Variants in NFATC3 observed in about 807,000 individuals in gnomAD.
NFATC3 encodes nuclear factor of activated T cells 3, also known as nuclear factor of activated T-cells, cytoplasmic 3.
NFATC3 carries 46 observed loss-of-function variants against 98.6 expected under a neutral mutation model. That is an observed-to-expected ratio of 0.47 (90% CI 0.37 to 0.60). The LOEUF (loss-of-function observed/expected upper bound fraction) is 0.60, where lower values mean the gene tolerates loss of function less well. NFATC3 is among the 20% of genes least tolerant of loss of function. The pLI is 0.00. For missense variants in NFATC3, 1,256 were observed against 1,295.5 expected (o/e 0.97, Z 0.47); for synonymous variants, 512 against 472.2 (o/e 1.08, Z -1.09).
At chr16:68,210,455 A>T (rs2041336820) in intron 9 of NFATC3, among the ~76,000 whole-genome samples, 1 of 152,156 alleles carries the variant, frequency 6.6e-6, no homozygotes, top group Non-Finnish European at 1.5e-5. Context: ...TTGGTGACAG[A>T]GTGACACCTT....
At chr16:68,213,358 C>G (rs1446217832) in intron 9 of NFATC3, among the ~76,000 whole-genome samples, 1 of 149,774 alleles carries the variant, frequency 6.7e-6, no homozygotes, top group Non-Finnish European at 1.5e-5. Context: ...GAGCTTGCAG[C>G]GAGCCAAGAT....
At chr16:68,145,562 T>G (rs2037999409) in intron 3 of NFATC3, among the ~76,000 whole-genome samples, 1 of 152,208 alleles carries the variant, frequency 6.6e-6, no homozygotes, top group African/African-American at 2.4e-5. Context: ...TGTTGATACA[T>G]GCAACAACTT....
chr16:68,150,579 A>G (rs1395851190), intron 3 of NFATC3, among the ~76,000 whole-genome samples: 2 of 152,104 alleles, frequency 1.3e-5, no homozygotes, highest in Non-Finnish European at 1.5e-5. Flanking sequence ...GAGACCCTGA[A>G]TCAAAAAAAA....
chr16:68,217,667 G>C, intron 9 of NFATC3: 3 of 1,231,332 alleles, frequency 2.4e-6, no homozygotes, highest in South Asian at 4.1e-5. Context: ...TGATAATTCA[G>C]AGATCAAGAT....
At chr16:68,106,752 T>A (rs753198199) in intron 1 of NFATC3, among the ~76,000 whole-genome samples, 29 of 151,864 alleles carry the variant, frequency 1.9e-4, no homozygotes, top group African/African-American at 2.4e-4. Context: ...GTTTTTTTTT[T>A]AATTTAATTT....
At position 68,126,678 on chromosome 16, in the gene NFATC3, G is replaced by T. The variant is rs1364384085; in HGVS notation, c.1401+68G>T. Reference sequence around the variant, plus strand: ...AGTGATGATTAGACAAGTCTATTCAGTTAGGTACTAGAGAGTGCAAAGAGC... The same window carrying T: ...AGTGATGATTAGACAAGTCTATTCATTTAGGTACTAGAGAGTGCAAAGAGC... On this transcript the variant is annotated intron_variant, in intron 3 of 9. Coordinates refer to ENST00000346183, the MANE Select transcript of NFATC3 (RefSeq NM_173165.3). 2.6e-6 allele frequency: 4 copies of T among 1,522,200 alleles called. No homozygotes were observed. The East Asian group carries it at 9.0e-5, about 34-fold the overall frequency. 94.3% of individuals were successfully genotyped at this position (1,522,200 alleles called of 1,614,324 possible). A position where few individuals can be genotyped will look rare whatever the true frequency, so the allele number is the denominator to read the frequency against.
chr16:68,211,522 G>A (rs931990191), intron 9 of NFATC3, among the ~76,000 whole-genome samples: 4 of 148,078 alleles, frequency 2.7e-5, no homozygotes, highest in Non-Finnish European at 4.5e-5. Context: ...TGTTGTTGTT[G>A]TTGTTGTTGT....
In NFATC3 at chr16:68,122,179, C is replaced by G. The variant is rs778457790; in HGVS notation, c.296C>G (p.Pro99Arg). The change falls in exon 2 of 10, where the codon CCA (proline) becomes CGA (arginine). Residue 99 changes from proline to arginine, a missense_variant. Around this residue, in one of 3 missense-constraint regions of NFATC3, gnomAD observed 464 missense variants for 465.7 expected, o/e 1.00. Transcript: ENST00000346183. ...GAGATTCCTGAATCTAAATATAGCC[C>G]ATTAGGTGGTCCCAAACCCTTTGAG... ...TCEIPESKYS[P>R]LGGPKPFECP... is the part of the protein sequence containing the mutation. The G allele has an allele frequency of 5.0e-6, 8 of 1,613,968 alleles. No individual in the cohort carries two copies. The East Asian group carries it at 1.6e-4, about 31-fold the overall frequency.
intron 3 of NFATC3, among the ~76,000 whole-genome samples, chr16:68,156,175 G>A (rs2038603820): frequency 1.3e-5 from 2 of 152,110 alleles, no homozygotes; most frequent in Non-Finnish European, 1.5e-5. Context: ...GCCGAGTGTG[G>A]TGGCAGGAGT....
chr16:68,166,742 G>A, intron 4 of NFATC3, 101 bp from the exon 5 acceptor site: 1 of 869,372 alleles, frequency 1.2e-6, no homozygotes, highest in Non-Finnish European at 1.7e-6. Context: ...ACCTAATTTT[G>A]GGTAGTTTTT....
intron 6 of NFATC3, among the ~76,000 whole-genome samples, chr16:68,175,124 G>A (rs1034325207): frequency 3.9e-5 from 6 of 152,192 alleles, no homozygotes; most frequent in African/African-American, 1.2e-4. Flanking sequence ...ACATGCTACA[G>A]CATGGATAAA....
In NFATC3 at chr16:68,100,907, G is replaced by GGTGTGT. The variant is rs753839799; in HGVS notation, c.103+15143_103+15148dup. 3.9e-3 allele frequency among the ~76,000 whole-genome samples: 553 copies of GGTGTGT among 142,914 alleles called. 6 individuals are homozygous for GGTGTGT. The highest frequency in any genetic ancestry group is 0.013 in the African/African-American group (511 of 39,918). The allele number at this position is 142,914 out of a possible 152,430, so 93.8% of individuals were successfully genotyped here. A position where few individuals can be genotyped will look rare whatever the true frequency, so the allele number is the denominator to read the frequency against. ...GAGTTCTGTGTGTGTGTGTGTGTGGGGTGTGTGTGTGTGTGTGTGTGTGTG... is the reference window on the plus strand; with the variant it reads ...GAGTTCTGTGTGTGTGTGTGTGTGGGGTGTGTGTGTGTGTGTGTGTGTGTGTGTGTG... On this transcript the variant is annotated intron_variant, in intron 1 of 9. Transcript: ENST00000346183.
chr16:68,146,749 G>C (rs2038056652), intron 3 of NFATC3, among the ~76,000 whole-genome samples: 1 of 152,188 alleles, frequency 6.6e-6, no homozygotes, highest in South Asian at 2.1e-4. Context: ...TCCAGCTTTA[G>C]TTAAATTAAG....
At chr16:68,150,412 TAAAAAAAAAAAA>T (rs60606928) in intron 3 of NFATC3, among the ~76,000 whole-genome samples, 1 of 81,080 alleles carries the variant, frequency 1.2e-5, no homozygotes, top group East Asian at 4.0e-4. Flanking sequence ...CTTCTATATC[TAAAAAAAAAAAA>T]AAAAAAAAAA....
chr16:68,105,509 G>A (rs2035607831), intron 1 of NFATC3, among the ~76,000 whole-genome samples: 1 of 152,002 alleles, frequency 6.6e-6, no homozygotes, highest in South Asian at 2.1e-4. Flanking sequence ...TGTGCTCTTG[G>A]ATTCAGTTTG....
At chr16:68,185,183 G>GT (rs2040130873) in intron 8 of NFATC3, among the ~76,000 whole-genome samples, 1 of 152,024 alleles carries the variant, frequency 6.6e-6, no homozygotes, top group Non-Finnish European at 1.5e-5. Flanking sequence ...CACCACGTTG[G>GT]CCAGGCTGGT....
intron 1 of NFATC3, among the ~76,000 whole-genome samples, chr16:68,087,372 A>G (rs965578216): frequency 6.6e-6 from 1 of 152,226 alleles, no homozygotes; most frequent in Non-Finnish European, 1.5e-5. Context: ...AGCTATGAAA[A>G]AATTTTTAAT....
At chr16:68,132,248 A>G (rs1399127210) in intron 3 of NFATC3, among the ~76,000 whole-genome samples, 2 of 152,212 alleles carry the variant, frequency 1.3e-5, no homozygotes, top group East Asian at 3.9e-4. Flanking sequence ...AAAGAACACA[A>G]ACTTTGATCT....
At chr16:68,167,928 G>A (rs896382163) in intron 5 of NFATC3, among the ~76,000 whole-genome samples, 2 of 138,552 alleles carry the variant, frequency 1.4e-5, no homozygotes, top group Admixed American at 1.6e-4. Context: ...CACCTCCTAG[G>A]TTCAAACGAT....
Sources: allele counts gnomAD v4.1 joint callset (sites outside exome capture counted in the v4.1 genomes callset), GRCh38; gene constraint gnomAD v4.1.1; regional missense constraint gnomAD v4.1.1; transcripts MANE v1.5; gene names NCBI Gene and HGNC (gene_info 2026-07-23, HGNC 2026-07-21).